Variants in XKR9 observed in about 807,000 individuals in gnomAD.
XKR9 encodes XK related 9, also known as XK-related protein 9.
A neutral mutation model predicts 32.0 loss-of-function variants in XKR9; 32 were observed. That is an observed-to-expected ratio of 1.00 (90% CI 0.76 to 1.34). XKR9 has a LOEUF of 1.34. XKR9 is among the 40% of genes most tolerant of loss of function. The pLI is 0.00. For synonymous variants in XKR9, 168 were observed against 143.4 expected (o/e 1.17, Z -1.22); for missense variants, 546 against 429.7 (o/e 1.27, Z -2.39).
the XKR9 span, among the ~76,000 whole-genome samples, chr8:70,985,701 C>T: frequency 6.6e-6 from 1 of 151,880 alleles, no homozygotes; most frequent in Non-Finnish European, 1.5e-5. Flanking sequence ...TCAATTTTTT[C>T]TTTCTAAATA....
intron 3 of XKR9, among the ~76,000 whole-genome samples, chr8:70,691,275 A>G (rs1278933019): frequency 6.6e-6 from 1 of 152,072 alleles, no homozygotes; most frequent in Non-Finnish European, 1.5e-5. Flanking sequence ...TTTCTCTTGT[A>G]AAGTTGTTTA....
At chr8:70,786,196 G>A (rs1045744280) in intron 2 of XKR9, among the ~76,000 whole-genome samples, 2 of 152,058 alleles carry the variant, frequency 1.3e-5, no homozygotes, top group Non-Finnish European at 2.9e-5. Flanking sequence ...GCTCTAACAT[G>A]TGATCTATCC....
chr8:71,027,697 T>C, the XKR9 span, among the ~76,000 whole-genome samples: 1 of 151,714 alleles, frequency 6.6e-6, no homozygotes, highest in African/African-American at 2.4e-5. Flanking sequence ...TTCAAAATTG[T>C]TTTGGTTATT....
the XKR9 span, among the ~76,000 whole-genome samples, chr8:70,819,954 G>C: frequency 1.3e-5 from 2 of 152,048 alleles, no homozygotes; most frequent in Non-Finnish European, 2.9e-5. Flanking sequence ...ATTTTTCCTT[G>C]TCATATCTCT....
chr8:71,036,326 T>C, the XKR9 span, among the ~76,000 whole-genome samples: 2 of 152,108 alleles, frequency 1.3e-5, no homozygotes, highest in African/African-American at 4.8e-5. Flanking sequence ...GTTTGAAAAA[T>C]ATAGATGTGT....
intron 2 of XKR9, among the ~76,000 whole-genome samples, chr8:70,675,290 G>A (rs1255420026): frequency 1.3e-5 from 2 of 152,186 alleles, no homozygotes; most frequent in African/African-American, 4.8e-5. Flanking sequence ...GCTGGGTTTG[G>A]TGGTGTGCAC....
At chr8:70,877,252 G>T in the XKR9 span, among the ~76,000 whole-genome samples, 1 of 152,114 alleles carries the variant, frequency 6.6e-6, no homozygotes, top group African/African-American at 2.4e-5. Context: ...TCTCCACCTG[G>T]TCCCACCCTT....
the XKR9 span, among the ~76,000 whole-genome samples, chr8:70,910,520 C>T: frequency 6.6e-6 from 1 of 152,012 alleles, no homozygotes; most frequent in African/African-American, 2.4e-5. Flanking sequence ...GTTTTCAAGC[C>T]CATTTATTAG....
At chr8:70,702,048 C>T (rs988892290) in intron 3 of XKR9, among the ~76,000 whole-genome samples, 5 of 152,110 alleles carry the variant, frequency 3.3e-5, no homozygotes, top group African/African-American at 9.7e-5. Flanking sequence ...GAATCTCCCT[C>T]CTCCCACAGA....
downstream of XKR9, among the ~76,000 whole-genome samples, chr8:70,738,847 A>C (rs1330522197): frequency 6.6e-6 from 1 of 152,016 alleles, no homozygotes; most frequent in Non-Finnish European, 1.5e-5. Flanking sequence ...GTTTGTTATA[A>C]TTTCTGGTGT....
intron 2 of XKR9, among the ~76,000 whole-genome samples, chr8:70,748,198 G>A (rs964265400): frequency 6.6e-6 from 1 of 152,224 alleles, no homozygotes; most frequent in Non-Finnish European, 1.5e-5. Flanking sequence ...GGGCTGCCCT[G>A]TTCTGCAGAG....
At chr8:70,850,463 C>CAAAAAAA in the XKR9 span, among the ~76,000 whole-genome samples, 1 of 73,998 alleles carries the variant, frequency 1.4e-5, no homozygotes, top group Admixed American at 1.6e-4. Flanking sequence ...GACTCCTTCT[C>CAAAAAAA]AAAAAAAAAA....
the XKR9 span, among the ~76,000 whole-genome samples, chr8:71,064,299 A>G: frequency 1.3e-5 from 2 of 152,154 alleles, no homozygotes; most frequent in African/African-American, 2.4e-5. Context: ...CTATAATAAT[A>G]CTACTACTGT....
the XKR9 span, among the ~76,000 whole-genome samples, chr8:70,942,150 C>T: frequency 1.3e-5 from 2 of 152,116 alleles, no homozygotes; most frequent in African/African-American, 2.4e-5. Flanking sequence ...TTTGTCTAGT[C>T]TCCATGAAAG....
chr8:70,777,811 T>C (rs1356299343), intron 2 of XKR9, among the ~76,000 whole-genome samples: 1 of 152,212 alleles, frequency 6.6e-6, no homozygotes, highest in African/African-American at 2.4e-5. Context: ...GGTTTTTTTT[T>C]CTTGTAAATT....
At chr8:70,836,221 T>G in the XKR9 span, among the ~76,000 whole-genome samples, 1 of 152,080 alleles carries the variant, frequency 6.6e-6, no homozygotes. Context: ...TTAGGTACAA[T>G]TTTCACACAA....
chr8:71,051,528 GGT>G, the XKR9 span, among the ~76,000 whole-genome samples: 30 of 40,236 alleles, frequency 7.5e-4, no homozygotes, highest in Admixed American at 3.5e-3. Flanking sequence ...GTGGTGGTGG[GGT>G]GTGTGTGTGT....
At chr8:70,904,864 T>A in the XKR9 span, among the ~76,000 whole-genome samples, 8 of 152,348 alleles carry the variant, frequency 5.3e-5, no homozygotes, top group Non-Finnish European at 1.0e-4. Context: ...GGATTTTATT[T>A]CTCCTTCACT....
chr8:70,967,320 C>T, the XKR9 span, among the ~76,000 whole-genome samples: 3 of 152,070 alleles, frequency 2.0e-5, no homozygotes, highest in South Asian at 2.1e-4. Context: ...TCGCCCACCT[C>T]GGCCTCCCAA....
Sources: gnomAD v4.1 joint callset for allele counts (sites outside exome capture counted in the v4.1 genomes callset) on GRCh38, gnomAD v4.1.1 for gene constraint, MANE v1.5 for transcripts, NCBI Gene and HGNC (gene_info 2026-07-23, HGNC 2026-07-21) for gene names.